Variants in PPP1R9A observed in about 807,000 individuals in gnomAD.
The protein encoded by PPP1R9A is neurabin-1.
A neutral mutation model predicts 141.9 loss-of-function variants in PPP1R9A; 59 were observed. That is an observed-to-expected ratio of 0.42 (90% CI 0.34 to 0.52). The LOEUF is 0.52. Among genes scored for constraint, PPP1R9A ranks in the 20% least tolerant of loss-of-function variants. PPP1R9A has a pLI of 0.10. For synonymous variants in PPP1R9A, 500 were observed against 569.7 expected, an observed-to-expected ratio of 0.88 and a Z score of 1.74; for missense variants, 1,444 against 1,611.9, an observed-to-expected ratio of 0.90 and a Z score of 1.78.
At chr7:95,221,509 C>T (rs1381013702) in intron 7 of PPP1R9A, among the ~76,000 whole-genome samples, 3 of 152,122 alleles carry the variant, frequency 2.0e-5, no homozygotes, top group South Asian at 4.2e-4. Context: ...TGTCTACATA[C>T]GTCTCCCACT....
At chr7:95,043,726 A>G (rs1039270238) in intron 2 of PPP1R9A, among the ~76,000 whole-genome samples, 6 of 152,116 alleles carry the variant, frequency 3.9e-5, no homozygotes, top group Admixed American at 3.9e-4. Context: ...GTCTTGTTAA[A>G]TTTCCTTACT....
intron 2 of PPP1R9A, among the ~76,000 whole-genome samples, chr7:95,088,005 G>A (rs1816860369): frequency 6.6e-6 from 1 of 151,700 alleles, no homozygotes; most frequent in African/African-American, 2.4e-5. Context: ...GAGTGTGTCA[G>A]AGAGAAGATG....
intron 2 of PPP1R9A, among the ~76,000 whole-genome samples, chr7:95,099,019 A>G (rs1308805195): frequency 6.6e-6 from 1 of 152,200 alleles, no homozygotes; most frequent in Non-Finnish European, 1.5e-5. Flanking sequence ...GTGTGCACAC[A>G]CATACACCTT....
intron 2 of PPP1R9A, among the ~76,000 whole-genome samples, chr7:95,004,150 GA>G (rs1052244577): frequency 6.6e-6 from 1 of 151,680 alleles, no homozygotes. Context: ...AGCATTTTAG[GA>G]AAAAAATTAT....
intron 5 of PPP1R9A, among the ~76,000 whole-genome samples, chr7:95,163,784 G>C (rs1033721559): frequency 6.6e-6 from 1 of 152,062 alleles, no homozygotes; most frequent in Non-Finnish European, 1.5e-5. Context: ...CTGTCACCCA[G>C]GCTGGAGTGC....
intron 8 of PPP1R9A, among the ~76,000 whole-genome samples, chr7:95,227,727 C>T (rs1280934470): frequency 6.6e-6 from 1 of 151,822 alleles, no homozygotes; most frequent in Non-Finnish European, 1.5e-5. Context: ...TGTGTGATCT[C>T]GATTCATTCT....
chr7:95,245,394 T>C (rs1379805350), intron 8 of PPP1R9A, among the ~76,000 whole-genome samples: 1 of 152,092 alleles, frequency 6.6e-6, no homozygotes, highest in Non-Finnish European at 1.5e-5. Context: ...CAGGTTTTAG[T>C]TCTGGTTTTA....
intron 7 of PPP1R9A, among the ~76,000 whole-genome samples, chr7:95,211,440 C>T (rs1026757050): frequency 2.6e-5 from 4 of 152,138 alleles, no homozygotes; most frequent in African/African-American, 9.6e-5. Context: ...TCTTTAAATC[C>T]CTGGTATTGG....
At chr7:95,064,341 A>G (rs1250705305) in intron 2 of PPP1R9A, among the ~76,000 whole-genome samples, 1 of 152,154 alleles carries the variant, frequency 6.6e-6, no homozygotes, top group East Asian at 1.9e-4. Context: ...AGCTTATTTG[A>G]TACGAATATT....
In PPP1R9A at chr7:95,292,160, G is replaced by T. The variant is rs918479564; in HGVS notation, c.*1857G>T. The T allele has an allele frequency of 6.6e-6, 1 of 152,034 alleles. No individual in the cohort carries two copies. 9.4% of individuals were successfully genotyped at this position (152,034 alleles called of 1,614,324 possible). A position where few individuals can be genotyped will look rare whatever the true frequency, so the allele number is the denominator to read the frequency against. On this transcript the variant is annotated 3_prime_UTR_variant, in exon 20 of 20. Coordinates refer to ENST00000433360, the MANE Select transcript of PPP1R9A (RefSeq NM_001166160.2). ...GTTTTTCTGTCTGTCTTCATTAGGG[G>T]TATGATAATGAAACTGCCGTATTGG...
At chr7:95,178,716 A>G (rs1164851186) in intron 5 of PPP1R9A, among the ~76,000 whole-genome samples, 2 of 152,212 alleles carry the variant, frequency 1.3e-5, no homozygotes, top group Non-Finnish European at 2.9e-5. Flanking sequence ...CACCACAGAA[A>G]TACAAAAGAT....
At chr7:95,160,437 A>G (rs1304033839) in intron 4 of PPP1R9A, among the ~76,000 whole-genome samples, 1 of 152,210 alleles carries the variant, frequency 6.6e-6, no homozygotes, top group East Asian at 1.9e-4. Flanking sequence ...TTTTTGTGAT[A>G]GGAATATGTA....
intron 4 of PPP1R9A, among the ~76,000 whole-genome samples, chr7:95,121,986 C>T (rs983579704): frequency 6.6e-6 from 1 of 151,968 alleles, no homozygotes; most frequent in African/African-American, 2.4e-5. Context: ...CCCAAATATA[C>T]GACTGCTAAA....
chr7:95,157,637 AG>A (rs1288880170), intron 4 of PPP1R9A, among the ~76,000 whole-genome samples: 14 of 152,218 alleles, frequency 9.2e-5, no homozygotes, highest in Non-Finnish European at 2.1e-4. Flanking sequence ...TGCTATAACT[AG>A]GATCTTTAAT....
intron 2 of PPP1R9A, among the ~76,000 whole-genome samples, chr7:94,940,731 A>T (rs530059055): frequency 7.9e-5 from 12 of 152,010 alleles, no homozygotes; most frequent in South Asian, 2.1e-4. Flanking sequence ...AAGATCAAAA[A>T]ATCAAATATT....
rs572149693 is a variant in PPP1R9A, at chr7:95,172,668, T to A, written c.1754+10697T>A. 2.1e-4 allele frequency among the ~76,000 whole-genome samples: 32 copies of A among 152,002 alleles called. 1 individual carries two copies. Among genetic ancestry groups the A allele is most frequent in the African/African-American group, 7.7e-4 (32 of 41,550 alleles). ...GAGGGAAGAAGTAGACCATGTTCAATGTATTATAATATTCAATATTGTTAA... is the reference window on the plus strand; with the variant it reads ...GAGGGAAGAAGTAGACCATGTTCAAAGTATTATAATATTCAATATTGTTAA... On this transcript the variant is annotated intron_variant, in intron 5 of 19. Coordinates refer to ENST00000433360, the MANE Select transcript of PPP1R9A (RefSeq NM_001166160.2).
intron 8 of PPP1R9A, 47 bp from the exon 9 acceptor site, chr7:95,247,426 A>G (rs761007645): frequency 1.0e-5 from 15 of 1,477,492 alleles, no homozygotes; most frequent in Non-Finnish European, 1.4e-5. Flanking sequence ...TTACAAATAT[A>G]GATACACTTT....
At position 94,910,232 on chromosome 7, in the gene PPP1R9A, A is replaced by G; in HGVS notation, c.119A>G (p.Asp40Gly). ...LKSTFDKPKS[D>G]GEQKTKEGEG... ...AGTACCTTTGACAAACCCAAGTCAG[A>G]TGGGGAACAAAAAACAAAAGAAGGT... The change falls in exon 2 of 20, where the codon GAT becomes GGT. Residue 40 changes from aspartate to glycine, a missense_variant. Physicochemically the swap from Asp to Gly is moderately conservative, Grantham distance 94 (BLOSUM62 -1). This residue lies in a region of PPP1R9A where 490 missense variants were observed against 521.1 expected (regional missense o/e 0.94). Coordinates refer to ENST00000433360, the MANE Select transcript of PPP1R9A (RefSeq NM_001166160.2). This position sits in a 1 kb window ranked among gnomAD's most constrained non-coding sequence, Gnocchi z 4.5. The G allele has an allele frequency of 6.2e-7, 1 of 1,614,138 alleles. No homozygotes were observed. Among genetic ancestry groups the G allele is most frequent in the Non-Finnish European group, 8.5e-7 (1 of 1,180,016 alleles).
At chr7:95,190,130 G>A (rs1020750007) in intron 5 of PPP1R9A, among the ~76,000 whole-genome samples, 18 of 152,078 alleles carry the variant, frequency 1.2e-4, no homozygotes, top group African/African-American at 2.9e-4. Context: ...TTACTTTTCC[G>A]ATTCCTTCTC....
Sources: allele counts gnomAD v4.1 joint callset (sites outside exome capture counted in the v4.1 genomes callset), GRCh38; gene constraint gnomAD v4.1.1; regional missense constraint gnomAD v4.1.1; non-coding constraint Gnocchi (gnomAD v3.1); transcripts MANE v1.5; gene names NCBI Gene and HGNC (gene_info 2026-07-23, HGNC 2026-07-21).